Variants in LAMA3 observed in about 807,000 individuals in gnomAD.
LAMA3 encodes the protein laminin subunit alpha 3.
A neutral mutation model predicts 402.0 loss-of-function variants in LAMA3; 281 were observed. That is an observed-to-expected ratio of 0.70 (90% CI 0.63 to 0.77). The LOEUF (loss-of-function observed/expected upper bound fraction) is 0.77. Among genes scored for constraint, LAMA3 ranks in the 30% least tolerant of loss-of-function variants. LAMA3 has a pLI of 0.00. For synonymous variants in LAMA3, 1,431 were observed against 1,558.4 expected, an observed-to-expected ratio of 0.92 and a Z score of 1.93; for missense variants, 3,840 against 4,215.5, an observed-to-expected ratio of 0.91 and a Z score of 2.47.
chr18:23,954,735 C>T lies in LAMA3; in HGVS notation c.*87C>T. On this transcript the variant is annotated 3_prime_UTR_variant, in exon 75 of 75. Transcript: ENST00000313654. Reference sequence around the variant, plus strand: ...CCCTCCCCAGCTCGAGATCATTCTTCACTCAGGACACAAACCAGACAGGTT... The same window carrying T: ...CCCTCCCCAGCTCGAGATCATTCTTTACTCAGGACACAAACCAGACAGGTT... 1 of 1,384,574 alleles carries T rather than the reference C, an allele frequency of 7.2e-7. No individual in the cohort carries two copies. Among genetic ancestry groups the T allele is most frequent in the Non-Finnish European group, 1.0e-6 (1 of 973,412 alleles). 85.8% of individuals were successfully genotyped at this position (1,384,574 alleles called of 1,614,324 possible). A position where few individuals can be genotyped will look rare whatever the true frequency, so the allele number is the denominator to read the frequency against.
chr18:23,884,047 G>GGTGT (rs60711151), intron 40 of LAMA3, among the ~76,000 whole-genome samples: 1,428 of 138,838 alleles, frequency 0.01, 10 homozygotes, highest in South Asian at 0.033. Flanking sequence ...TGGTCTCTTT[G>GGTGT]GTGTGTGTGT....
chr18:23,920,156 C>T (rs1424022527), intron 60 of LAMA3, among the ~76,000 whole-genome samples: 1 of 152,134 alleles, frequency 6.6e-6, no homozygotes, highest in Non-Finnish European at 1.5e-5. Flanking sequence ...ATGCAGGGGG[C>T]AGGCTGGGAG....
intron 51 of LAMA3, 39 bp from the exon 52 acceptor site, chr18:23,905,483 A>G (rs925280063): frequency 3.6e-6 from 4 of 1,110,104 alleles, no homozygotes; most frequent in East Asian, 2.4e-5. Flanking sequence ...TTCGTAACAT[A>G]TAGCATTTGT....
chr18:23,931,243 T>C (rs1321854162), intron 65 of LAMA3, 42 bp downstream of exon 65: 4 of 1,585,934 alleles, frequency 2.5e-6, no homozygotes, highest in African/African-American at 1.3e-5. Flanking sequence ...GAGTGAGTTT[T>C]ACTCTCTTTC....
At chr18:23,836,711 G>A (rs767946669) in intron 24 of LAMA3, among the ~76,000 whole-genome samples, 8 of 152,250 alleles carry the variant, frequency 5.3e-5, no homozygotes, top group Non-Finnish European at 1.2e-4. Context: ...TTCTCTCGAG[G>A]ACTAAACCTA....
At chr18:23,703,682 C>T (rs936387788) in intron 1 of LAMA3, among the ~76,000 whole-genome samples, 1 of 151,848 alleles carries the variant, frequency 6.6e-6, no homozygotes, top group African/African-American at 2.4e-5. Context: ...TGTTTAAATA[C>T]CTGGAACCAA....
At chr18:23,901,941 G>A (rs969374881) in intron 48 of LAMA3, among the ~76,000 whole-genome samples, 1 of 152,190 alleles carries the variant, frequency 6.6e-6, no homozygotes, top group African/African-American at 2.4e-5. Context: ...TGATCCACTC[G>A]CCTCAGCCTC....
chr18:23,850,368 G>A (rs777597890), intron 32 of LAMA3, among the ~76,000 whole-genome samples: 3 of 152,164 alleles, frequency 2.0e-5, no homozygotes, highest in Non-Finnish European at 4.4e-5. Flanking sequence ...AGTCAACCTG[G>A]TGTTGTAGTT....
chr18:23,790,682 A>G (rs1423487280), intron 12 of LAMA3, among the ~76,000 whole-genome samples: 1 of 152,150 alleles, frequency 6.6e-6, no homozygotes, highest in Non-Finnish European at 1.5e-5. Context: ...TCAGCTAGAA[A>G]CTGTTGCTCA....
intron 1 of LAMA3, among the ~76,000 whole-genome samples, chr18:23,703,356 G>T (rs908551505): frequency 2.4e-4 from 36 of 152,116 alleles, no homozygotes; most frequent in African/African-American, 8.7e-4. Context: ...AGAGAAAATG[G>T]AGCTCAAGGG....
intron 34 of LAMA3, among the ~76,000 whole-genome samples, chr18:23,860,261 C>CTTTTT (rs59852195): frequency 6.8e-3 from 764 of 112,504 alleles, no homozygotes; most frequent in East Asian, 0.016. Context: ...CTTTTCTTTT[C>CTTTTT]TTTTTTTTTT....
intron 40 of LAMA3, among the ~76,000 whole-genome samples, chr18:23,883,911 G>C (rs2064983688): frequency 6.6e-6 from 1 of 152,166 alleles, no homozygotes; most frequent in Non-Finnish European, 1.5e-5. Context: ...TATTAATAGT[G>C]CTGACCAATG....
intron 2 of LAMA3, among the ~76,000 whole-genome samples, chr18:23,744,954 G>T (rs1032512388): frequency 1.3e-5 from 2 of 151,572 alleles, no homozygotes; most frequent in South Asian, 4.2e-4. Flanking sequence ...ATTAAATTCC[G>T]AAATGGGAAA....
At position 23,903,001 on chromosome 18, in the gene LAMA3, T is replaced by C. The variant is rs2081124917; in HGVS notation, c.6202-8T>C. 1 of 1,560,716 alleles carries C rather than the reference T, an allele frequency of 6.4e-7. No homozygotes were observed. Among genetic ancestry groups the C allele is most frequent in the African/African-American group, 1.4e-5 (1 of 73,816 alleles). On this transcript the variant is annotated splice_region_variant and splice_polypyrimidine_tract_variant and intron_variant, in intron 48 of 74. Coordinates refer to ENST00000313654, the MANE Select transcript of LAMA3 (RefSeq NM_198129.4). ...AGAGCTCAAGCAATTTTTTTTTATT[T>C]TCTCCAGAGACAAGTGAAAGAAATA...
chr18:23,823,754 A>C (rs554315431), intron 20 of LAMA3, among the ~76,000 whole-genome samples: 2 of 152,232 alleles, frequency 1.3e-5, no homozygotes, highest in South Asian at 4.1e-4. Context: ...TTGAACTTAG[A>C]TGCAATAGTT....
chr18:23,811,198 A>G (rs190919440), intron 13 of LAMA3, among the ~76,000 whole-genome samples: 31 of 152,280 alleles, frequency 2.0e-4, no homozygotes, highest in Admixed American at 6.5e-4. Flanking sequence ...GGGGACAGAA[A>G]TGAGATGTCC....
intron 27 of LAMA3, among the ~76,000 whole-genome samples, chr18:23,840,606 C>A (rs951194049): frequency 1.3e-5 from 2 of 151,642 alleles, no homozygotes; most frequent in African/African-American, 4.8e-5. Flanking sequence ...AGGTTGGTCT[C>A]GAACCAGTAA....
intron 44 of LAMA3, among the ~76,000 whole-genome samples, chr18:23,895,585 AT>A (rs1391778790): frequency 1.3e-5 from 2 of 152,246 alleles, no homozygotes; most frequent in African/African-American, 4.8e-5. Context: ...ATATATTGAC[AT>A]AAAATTGTTC....
At position 23,901,156 on chromosome 18, in the gene LAMA3, A is replaced by G; in HGVS notation, c.6034A>G (p.Thr2012Ala). The change falls in exon 48 of 75, where the codon ACC becomes GCC. Residue 2012 changes from threonine to alanine, a missense_variant. Around this residue, in one of 3 missense-constraint regions of LAMA3, gnomAD observed 891 missense variants for 857.5 expected, o/e 1.04. Coordinates refer to ENST00000313654, the MANE Select transcript of LAMA3 (RefSeq NM_198129.4). ...GAACCGGATAAGGACCTGGCAGAAA[A>G]CCCACCAGGGGGAGAACAATGGGCT... is the stretch of plus-strand genomic sequence containing the variant. ...LLNRIRTWQK[T>A]HQGENNGLAN... 1 of 1,614,130 alleles carries G rather than the reference A, an allele frequency of 6.2e-7. No individual in the cohort carries two copies. Among genetic ancestry groups the G allele is most frequent in the Non-Finnish European group, 8.5e-7 (1 of 1,180,018 alleles).
Sources: gnomAD v4.1 joint callset for allele counts (sites outside exome capture counted in the v4.1 genomes callset) on GRCh38, gnomAD v4.1.1 for gene constraint, gnomAD v4.1.1 regional missense constraint, MANE v1.5 for transcripts, NCBI Gene and HGNC (gene_info 2026-07-23, HGNC 2026-07-21) for gene names.